TRDN: variants seen among roughly 807,000 people sequenced by gnomAD.
TRDN encodes triadin in skeletal muscle.
In TRDN, 161 loss-of-function variants were observed where a neutral mutation model predicts 149.7. The ratio of observed to expected loss-of-function variants is 1.08; its 90% CI spans 0.95 to 1.23. The LOEUF (loss-of-function observed/expected upper bound fraction) is 1.23. Ranked by LOEUF, TRDN falls within the 50% of genes most tolerant of loss-of-function variation. The pLI is 0.00. For missense variants in TRDN, 896 were observed against 823.5 expected, an observed-to-expected ratio of 1.09 and a Z score of -1.08; for synonymous variants, 294 against 250.5, an observed-to-expected ratio of 1.17 and a Z score of -1.64.
In TRDN at chr6:123,568,243, C is replaced by T. The variant is rs114527512; in HGVS notation, c.232+2680G>A. Among the ~76,000 whole-genome samples the T allele has an allele frequency of 1.6e-3, 242 of 152,292 alleles. 1 individual carries two copies. Among genetic ancestry groups the T allele is most frequent in the African/African-American group, 5.7e-3 (238 of 41,558 alleles). ...GTCCCAAGGAATTGGGCAGCTCTAC[C>T]GTTGTGGTTTTGCAGGGTTCAGCCC... On this transcript the variant is annotated intron_variant, in intron 2 of 40. Coordinates refer to ENST00000334268, the MANE Select transcript of TRDN (RefSeq NM_006073.4).
intron 18 of TRDN, among the ~76,000 whole-genome samples, chr6:123,376,384 C>T (rs956469983): frequency 6.6e-6 from 1 of 152,088 alleles, no homozygotes; most frequent in Non-Finnish European, 1.5e-5. Context: ...GCAATTATTG[C>T]ATCTTGTAAA....
chr6:123,304,755 A>G (rs533901844), intron 24 of TRDN, among the ~76,000 whole-genome samples: 19 of 152,282 alleles, frequency 1.2e-4, no homozygotes, highest in African/African-American at 4.3e-4. Flanking sequence ...TACATAAAGA[A>G]ACTGATGGAT....
chr6:123,502,811 A>G (rs1359961642), intron 8 of TRDN: 3 of 985,198 alleles, frequency 3.0e-6, no homozygotes, highest in African/African-American at 3.5e-5. Flanking sequence ...AATGTCTCCA[A>G]GAAACACCAA....
chr6:123,348,431 C>T (rs564600203), intron 21 of TRDN, among the ~76,000 whole-genome samples: 10 of 152,094 alleles, frequency 6.6e-5, no homozygotes, highest in South Asian at 6.2e-4. Context: ...GAGTATGAAA[C>T]TTAAATTTCA....
rs188047509 is a variant in TRDN, at chr6:123,551,453, T to G, written c.233-2841A>C. On this transcript the variant is annotated intron_variant, in intron 2 of 40. Coordinates refer to ENST00000334268, the MANE Select transcript of TRDN (RefSeq NM_006073.4). ...ACCTCACATCCAAATCCAGATCATA[T>G]CAATGGAAAAAATATTATTCAACGC... Among the ~76,000 whole-genome samples the G allele has an allele frequency of 5.0e-4, 76 of 151,576 alleles. No individual in the cohort carries two copies. In the East Asian group the frequency reaches 9.5e-3, roughly 19 times the overall value.
chr6:123,635,417 T>G (rs1786258924), intron 1 of TRDN, among the ~76,000 whole-genome samples: 1 of 151,768 alleles, frequency 6.6e-6, no homozygotes, highest in Non-Finnish European at 1.5e-5. Context: ...TCACATAACA[T>G]TTTAGTTACA....
intron 23 of TRDN, among the ~76,000 whole-genome samples, chr6:123,319,483 G>T (rs922094445): frequency 6.6e-6 from 1 of 151,880 alleles, no homozygotes. Flanking sequence ...ACATATGTGT[G>T]TATATATATA....
chr6:123,483,148 A>G (rs990529127), intron 9 of TRDN, among the ~76,000 whole-genome samples: 6 of 149,904 alleles, frequency 4.0e-5, no homozygotes, highest in African/African-American at 1.5e-4. Flanking sequence ...TGTCGCCCAG[A>G]CTGGAGTGAA....
chr6:123,426,528 A>G (rs1342387035), intron 12 of TRDN, among the ~76,000 whole-genome samples: 1 of 152,172 alleles, frequency 6.6e-6, no homozygotes, highest in Non-Finnish European at 1.5e-5. Flanking sequence ...AGACAGCCCA[A>G]GTGGTTTACC....
At chr6:123,576,204 A>T (rs1179344728) in intron 1 of TRDN, among the ~76,000 whole-genome samples, 1 of 152,154 alleles carries the variant, frequency 6.6e-6, no homozygotes, top group Non-Finnish European at 1.5e-5. Flanking sequence ...GTAAATAAGA[A>T]CTTCATAGAA....
chr6:123,377,604 T>C, intron 18 of TRDN, 112 bp downstream of exon 18: 4 of 1,256,654 alleles, frequency 3.2e-6, no homozygotes, highest in Non-Finnish European at 4.5e-6. Flanking sequence ...CACTGTGAGA[T>C]GGAAGCATTC....
intron 39 of TRDN, 36 bp downstream of exon 39, chr6:123,224,057 G>T: frequency 1.3e-6 from 2 of 1,583,078 alleles, no homozygotes; most frequent in Non-Finnish European, 1.7e-6. Flanking sequence ...AGCTTTGAGA[G>T]AAAACTTGTA....
chr6:123,342,780 T>G (rs1780112689), intron 21 of TRDN, among the ~76,000 whole-genome samples: 2 of 151,976 alleles, frequency 1.3e-5, no homozygotes, highest in African/African-American at 4.8e-5. Context: ...CACCACAAAT[T>G]GTTCCTAAAA....
chr6:123,487,707 C>A (rs1464609529), intron 9 of TRDN, among the ~76,000 whole-genome samples: 1 of 152,114 alleles, frequency 6.6e-6, no homozygotes, highest in African/African-American at 2.4e-5. Context: ...AGTTTATCCT[C>A]TTTTCAGTCT....
intron 10 of TRDN, among the ~76,000 whole-genome samples, chr6:123,461,832 A>T (rs1274762461): frequency 6.6e-6 from 1 of 152,166 alleles, no homozygotes; most frequent in Non-Finnish European, 1.5e-5. Flanking sequence ...TAATATTATA[A>T]GATACTATTT....
chr6:123,536,114 A>C (rs1325079589), intron 4 of TRDN, among the ~76,000 whole-genome samples: 1 of 152,176 alleles, frequency 6.6e-6, no homozygotes, highest in Non-Finnish European at 1.5e-5. Context: ...AATATGTTAA[A>C]ATGTAAAACA....
At chr6:123,480,421 G>A (rs1312057429) in intron 9 of TRDN, among the ~76,000 whole-genome samples, 2 of 151,640 alleles carry the variant, frequency 1.3e-5, no homozygotes, top group Admixed American at 6.6e-5. Flanking sequence ...TAATTTAATC[G>A]ATCCCTGCTA....
At chr6:123,433,647 A>G (rs533925882) in intron 12 of TRDN, among the ~76,000 whole-genome samples, 1 of 152,180 alleles carries the variant, frequency 6.6e-6, no homozygotes, top group African/African-American at 2.4e-5. Flanking sequence ...CCTGAAAAAA[A>G]AATCCTATTG....
intron 19 of TRDN, among the ~76,000 whole-genome samples, chr6:123,371,511 T>C (rs1781326607): frequency 6.6e-6 from 1 of 152,218 alleles, no homozygotes; most frequent in Non-Finnish European, 1.5e-5. Flanking sequence ...TCAATAGCCA[T>C]GCTTTATAGT....
Sources: gnomAD v4.1 joint callset for allele counts (sites outside exome capture counted in the v4.1 genomes callset) on GRCh38, gnomAD v4.1.1 for gene constraint, MANE v1.5 for transcripts, NCBI Gene and HGNC (gene_info 2026-07-23, HGNC 2026-07-21) for gene names.